TLL2: variants seen among roughly 807,000 people sequenced by gnomAD.
TLL2 encodes the protein tolloid-like protein 2.
Under a neutral mutation model 123.0 loss-of-function variants are expected in TLL2, and 106 were observed. The ratio of observed to expected loss-of-function variants is 0.86; its 90% CI spans 0.74 to 1.01. TLL2 has a LOEUF of 1.01. TLL2 is among the 50% of genes least tolerant of loss of function. The probability of loss-of-function intolerance (pLI) is 0.00; values close to 1 mark genes in which losing one functional copy is unlikely to be tolerated. For missense variants in TLL2, 1,332 were observed against 1,336.7 expected, an observed-to-expected ratio of 1.00 and a Z score of 0.06; for synonymous variants, 494 against 516.8, an observed-to-expected ratio of 0.96 and a Z score of 0.60.
In TLL2 at chr10:96,446,143, C is replaced by T. The variant is rs768475816; in HGVS notation, c.312G>A (p.Glu104=). 46 of 1,613,988 alleles carry T rather than the reference C, an allele frequency of 2.9e-5. No individual in the cohort carries two copies. Among genetic ancestry groups the T allele is most frequent in the Non-Finnish European group, 3.3e-5 (39 of 1,180,014 alleles). Residue 104 remains glutamate, a synonymous_variant, in exon 3 of 21, where the codon GAG becomes GAA. Coordinates refer to ENST00000357947, the MANE Select transcript of TLL2 (RefSeq NM_012465.4). ...STGGLEEQAS[E]SSPDTTAMDT... ...CCATGGCTGTGGTGTCTGGGCTGCTCTCAGATGCCTGCTCTTCAAGCCCAC... is the reference window on the plus strand; with the variant it reads ...CCATGGCTGTGGTGTCTGGGCTGCTTTCAGATGCCTGCTCTTCAAGCCCAC...
At chr10:96,446,205 TC>T (rs764456201) in intron 2 of TLL2, 37 bp from the exon 3 acceptor site, 1 of 1,600,312 alleles carries the variant, frequency 6.2e-7, no homozygotes, top group Admixed American at 1.7e-5. Flanking sequence ...TGAGGACACA[TC>T]AGCCTTCTCT....
At position 96,445,155 on chromosome 10, in the gene TLL2, C is replaced by G. The variant is rs11188756; in HGVS notation, c.364+936G>C. Among the ~76,000 whole-genome samples, 1,244 of 152,246 alleles carry G rather than the reference C, an allele frequency of 8.2e-3. 14 individuals are homozygous for G. Among genetic ancestry groups the G allele is most frequent in the African/African-American group, 0.027 (1,132 of 41,536 alleles). On this transcript the variant is annotated intron_variant, in intron 3 of 20. Transcript: ENST00000357947. ...AGTGAGCTGAGATCGCACCACTGCA[C>G]TCCAGCCTGGGCGACAGAGCGAGAC...
intron 13 of TLL2, among the ~76,000 whole-genome samples, chr10:96,390,312 G>T (rs1564896811): frequency 6.6e-6 from 1 of 152,236 alleles, no homozygotes; most frequent in Admixed American, 6.5e-5. Flanking sequence ...GCCCTTCATG[G>T]TGACCTATCA....
At chr10:96,415,687 C>T (rs1207653289) in intron 7 of TLL2, among the ~76,000 whole-genome samples, 2 of 144,416 alleles carry the variant, frequency 1.4e-5, no homozygotes, top group Non-Finnish European at 3.0e-5. Context: ...TGAAAATGTA[C>T]ATATGTCACC....
chr10:96,408,290 A>G (rs576472428), intron 9 of TLL2, among the ~76,000 whole-genome samples: 1 of 152,240 alleles, frequency 6.6e-6, no homozygotes, highest in Admixed American at 6.5e-5. Context: ...TACATTAGTG[A>G]ACCATAAAGA....
intron 9 of TLL2, among the ~76,000 whole-genome samples, chr10:96,406,468 C>T (rs544237721): frequency 6.6e-6 from 1 of 152,242 alleles, no homozygotes; most frequent in African/African-American, 2.4e-5. Flanking sequence ...GAGGACTTTG[C>T]TCTCAGCAGT....
In TLL2 at chr10:96,401,526, GCA is replaced by G. The variant is rs71486795; in HGVS notation, c.1267+3704_1267+3705del. On this transcript the variant is annotated intron_variant, in intron 10 of 20. Transcript: ENST00000357947. ...TCTACACACACACACACACACACACGCACACACACAGTTAAAGTGGGTAAAAT... is the reference window on the plus strand; with the variant it reads ...TCTACACACACACACACACACACACGCACACACAGTTAAAGTGGGTAAAAT... Among the ~76,000 whole-genome samples the G allele has an allele frequency of 8.0e-4, 110 of 137,170 alleles. 1 individual carries two copies. The highest frequency in any genetic ancestry group is 1.3e-3 in the Non-Finnish European group (85 of 64,176). The allele number at this position is 137,170 out of a possible 152,430, so 90.0% of individuals were successfully genotyped here.
At position 96,376,657 on chromosome 10, in the gene TLL2, G is replaced by A; in HGVS notation, c.2448+35C>T. 7 of 1,606,744 alleles carry A rather than the reference G, an allele frequency of 4.4e-6. No individual in the cohort carries two copies. In the Admixed American group the frequency reaches 1.0e-4, roughly 23 times the overall value. ...AAACGCACATCTGCCTGATACTCAA[G>A]TCCACATTCTCAATAAACTACAAAA... On this transcript the variant is annotated intron_variant, in intron 18 of 20. Transcript: ENST00000357947.
chr10:96,506,977 C>A (rs933645683), intron 1 of TLL2, among the ~76,000 whole-genome samples: 1 of 152,116 alleles, frequency 6.6e-6, no homozygotes, highest in African/African-American at 2.4e-5. Flanking sequence ...GCTCAGTTTC[C>A]TCATATACAA....
At chr10:96,474,262 C>A (rs1007468032) in intron 2 of TLL2, among the ~76,000 whole-genome samples, 4 of 152,156 alleles carry the variant, frequency 2.6e-5, no homozygotes, top group African/African-American at 9.7e-5. Context: ...AGCCCCATGA[C>A]AAGGGAATGG....
intron 1 of TLL2, among the ~76,000 whole-genome samples, chr10:96,499,992 A>G (rs1847516653): frequency 6.6e-6 from 1 of 151,954 alleles, no homozygotes; most frequent in Admixed American, 6.6e-5. Flanking sequence ...AGGTATAAAA[A>G]TCTTTTAGCT....
At chr10:96,442,319 T>C (rs542702417) in intron 3 of TLL2, among the ~76,000 whole-genome samples, 1 of 152,086 alleles carries the variant, frequency 6.6e-6, no homozygotes, top group South Asian at 2.1e-4. Flanking sequence ...TCTCTTTTCC[T>C]GGGGGTGGTG....
chr10:96,399,506 T>G (rs2134064698), intron 10 of TLL2, among the ~76,000 whole-genome samples: 1 of 152,304 alleles, frequency 6.6e-6, no homozygotes, highest in African/African-American at 2.4e-5. Flanking sequence ...TCTGACCACC[T>G]GTAGCCTTTT....
chr10:96,384,784 TG>T lies in TLL2; in HGVS notation c.2014-18del. 1 of 1,558,138 alleles carries T rather than the reference TG, an allele frequency of 6.4e-7. No homozygotes were observed. Among genetic ancestry groups the T allele is most frequent in the Non-Finnish European group, 8.7e-7 (1 of 1,144,406 alleles). ...CTTACAGACCTGCAAGGGAGCATGATGGGGAGCTTCCCAGAGTCCCTGTCCC... is the reference window on the plus strand; with the variant it reads ...CTTACAGACCTGCAAGGGAGCATGATGGGAGCTTCCCAGAGTCCCTGTCCC... On this transcript the variant is annotated intron_variant, in intron 15 of 20. Transcript: ENST00000357947.
intron 11 of TLL2, among the ~76,000 whole-genome samples, chr10:96,396,756 G>A (rs1846345926): frequency 1.3e-5 from 2 of 152,120 alleles, no homozygotes; most frequent in South Asian, 2.1e-4. Context: ...TCTAAGAAAC[G>A]CAGTTGGAAA....
At chr10:96,396,150 T>C in intron 11 of TLL2, 130 bp from the exon 12 acceptor site, 1 of 1,085,630 alleles carries the variant, frequency 9.2e-7, no homozygotes, top group Non-Finnish European at 1.3e-6. Flanking sequence ...CATTTTCATC[T>C]CCAGCCCACA....
Position 96,386,186 on chromosome 10 carries a change from T to C in TLL2, c.1882A>G (p.Asn628Asp). 1.2e-6 allele frequency: 2 copies of C among 1,604,540 alleles called. No homozygotes were observed. Among genetic ancestry groups the C allele is most frequent in the African/African-American group, 1.3e-5 (1 of 74,612 alleles). Residue 628 changes from asparagine (N) to aspartate (D), a missense_variant, in exon 15 of 21, where the codon AAT (asparagine) becomes GAT (aspartate). Physicochemically the swap from Asn to Asp is conservative, Grantham distance 23 (BLOSUM62 1). Transcript: ENST00000357947. ...VACGGFITKL[N>D]GTITSPGWPK... Reference sequence around the variant, plus strand: ...CACCCAGGGCTGGTGATGGTTCCATTCAGCTTGGTAATGAAACCGCCACAG... The same window carrying C: ...CACCCAGGGCTGGTGATGGTTCCATCCAGCTTGGTAATGAAACCGCCACAG...
At chr10:96,456,040 A>T (rs1298197156) in intron 2 of TLL2, among the ~76,000 whole-genome samples, 1 of 152,260 alleles carries the variant, frequency 6.6e-6, no homozygotes, top group Non-Finnish European at 1.5e-5. Context: ...TTCTTAGCAC[A>T]GTCCTGTGAG....
At chr10:96,486,069 C>G (rs564516083) in intron 1 of TLL2, among the ~76,000 whole-genome samples, 1 of 152,288 alleles carries the variant, frequency 6.6e-6, no homozygotes, top group East Asian at 1.9e-4. Flanking sequence ...TCTGTGCTCA[C>G]ATGTTCCTGA....
Sources: gnomAD v4.1 joint callset for allele counts (sites outside exome capture counted in the v4.1 genomes callset) on GRCh38, gnomAD v4.1.1 for gene constraint, MANE v1.5 for transcripts, NCBI Gene and HGNC (gene_info 2026-07-23, HGNC 2026-07-21) for gene names.